The following SAFB variants were observed in gnomAD, a reference collection of about 807,000 sequenced individuals.
SAFB encodes the protein scaffold attachment factor B1.
A neutral mutation model predicts 101.6 loss-of-function variants in SAFB; 15 were observed. The observed-to-expected ratio is 0.15, with a 90% CI of 0.10 to 0.23. The LOEUF (loss-of-function observed/expected upper bound fraction) is 0.23. SAFB is among the 10% of genes least tolerant of loss of function. The pLI is 1.00. For missense variants in SAFB, 930 were observed against 1,104.1 expected (o/e 0.84, Z 2.23); for synonymous variants, 449 against 407.5 (o/e 1.10, Z -1.23).
chr19:5,649,890 G>T (rs779244286), intron 7 of SAFB, 36 bp from the exon 8 acceptor site: 1 of 1,591,498 alleles, frequency 6.3e-7, no homozygotes, highest in Admixed American at 1.7e-5. Flanking sequence ...CCTCCATGCT[G>T]CTTCCTTGTG....
At chr19:5,626,222 C>G (rs775524865) in intron 1 of SAFB, among the ~76,000 whole-genome samples, 183 bp from the exon 2 acceptor site, 2 of 152,086 alleles carry the variant, frequency 1.3e-5, no homozygotes, top group South Asian at 2.1e-4. Context: ...GAACTGGTGG[C>G]GTCAGTCGGT....
At chr19:5,626,271 C>CATTAAACA in intron 1 of SAFB, 134 bp from the exon 2 acceptor site, 1 of 564,024 alleles carries the variant, frequency 1.8e-6, no homozygotes. Context: ...GTGGATGGGC[C>CATTAAACA]ACAGGTCCTG....
intron 2 of SAFB, among the ~76,000 whole-genome samples, chr19:5,640,653 G>A (rs999718705): frequency 3.3e-5 from 5 of 150,964 alleles, no homozygotes; most frequent in South Asian, 2.1e-4. Flanking sequence ...GCAGCGGCAC[G>A]ATCTCAGCTC....
chr19:5,623,416 C>G, intron 1 of SAFB, 22 bp downstream of exon 1: 1 of 1,608,292 alleles, frequency 6.2e-7, no homozygotes, highest in Non-Finnish European at 8.5e-7. Flanking sequence ...GCCCCGAGGG[C>G]GGGCACAGGG....
intron 2 of SAFB, among the ~76,000 whole-genome samples, chr19:5,638,444 C>A (rs1176385669): frequency 6.6e-6 from 1 of 152,012 alleles, no homozygotes; most frequent in African/African-American, 2.4e-5. Flanking sequence ...TCAACCCCCC[C>A]ACCGAGTAGC....
chr19:5,637,548 C>T (rs1284579896), intron 2 of SAFB, among the ~76,000 whole-genome samples: 1 of 151,730 alleles, frequency 6.6e-6, no homozygotes, highest in Non-Finnish European at 1.5e-5. Flanking sequence ...TCCAGCTACT[C>T]GGGAGACTGA....
intron 1 of SAFB, among the ~76,000 whole-genome samples, chr19:5,626,194 C>G (rs994992395): frequency 3.3e-5 from 5 of 152,256 alleles, no homozygotes; most frequent in Admixed American, 6.5e-5. Flanking sequence ...GTAAACCTGC[C>G]TGGGACCACC....
intron 4 of SAFB, among the ~76,000 whole-genome samples, chr19:5,642,313 G>C (rs1475721936): frequency 6.6e-6 from 1 of 152,154 alleles, no homozygotes; most frequent in Non-Finnish European, 1.5e-5. Flanking sequence ...TGAGCTGGGT[G>C]CCTTGATGCA....
At chr19:5,653,967 C>T in intron 11 of SAFB, 94 bp from the exon 12 acceptor site, 1 of 1,184,298 alleles carries the variant, frequency 8.4e-7, no homozygotes, top group Non-Finnish European at 1.2e-6. Context: ...TCTCGAACTC[C>T]CGGTCTCATG....
intron 1 of SAFB, 66 bp from the exon 2 acceptor site, chr19:5,626,339 A>C (rs1228286391): frequency 1.1e-6 from 1 of 899,780 alleles, no homozygotes. Context: ...TTGTCACCTG[A>C]GAGCTCTCTG....
At chr19:5,635,416 A>G (rs73920035) in intron 2 of SAFB, among the ~76,000 whole-genome samples, 3 of 152,092 alleles carry the variant, frequency 2.0e-5, no homozygotes, top group Admixed American at 6.6e-5. Context: ...CATATAATGT[A>G]TGTAGATGCA....
chr19:5,652,252 C>A (rs2145455945), intron 9 of SAFB, among the ~76,000 whole-genome samples: 1 of 152,190 alleles, frequency 6.6e-6, no homozygotes, highest in African/African-American at 2.4e-5. Context: ...TAACTAAGGG[C>A]TTCTTGAGCC....
At chr19:5,631,856 G>A (rs1482147895) in intron 2 of SAFB, among the ~76,000 whole-genome samples, 1 of 151,998 alleles carries the variant, frequency 6.6e-6, no homozygotes, top group Non-Finnish European at 1.5e-5. Context: ...GAGCAGCCTG[G>A]GTGACATAGT....
chr19:5,641,988 T>C, intron 4 of SAFB, 42 bp downstream of exon 4: 1 of 1,478,994 alleles, frequency 6.8e-7, no homozygotes, highest in Non-Finnish European at 9.5e-7. Context: ...CCTGAATGTA[T>C]CAGTTCCACA....
intron 13 of SAFB, among the ~76,000 whole-genome samples, chr19:5,656,511 A>G (rs1387174379): frequency 6.6e-6 from 1 of 151,168 alleles, no homozygotes; most frequent in Non-Finnish European, 1.5e-5. Flanking sequence ...CCTGACTTCA[A>G]GTGATCCACC....
intron 15 of SAFB, among the ~76,000 whole-genome samples, chr19:5,663,614 T>TG (rs149796411): frequency 0.06 from 9,147 of 152,252 alleles, 324 homozygotes; most frequent in Middle Eastern, 0.12. Flanking sequence ...CAGCAGTACA[T>TG]GGCCAGGGCT....
intron 5 of SAFB, among the ~76,000 whole-genome samples, chr19:5,647,783 G>A (rs999403423): frequency 3.3e-5 from 5 of 152,206 alleles, no homozygotes; most frequent in Non-Finnish European, 5.9e-5. Flanking sequence ...TCACCATGAA[G>A]TGAGACCAGT....
intron 2 of SAFB, among the ~76,000 whole-genome samples, chr19:5,641,237 T>C (rs2053706462): frequency 6.6e-6 from 1 of 152,216 alleles, no homozygotes; most frequent in South Asian, 2.1e-4. Context: ...TGGGAAAACA[T>C]GTTCCTTAAC....
intron 14 of SAFB, among the ~76,000 whole-genome samples, chr19:5,661,213 G>T (rs772518277): frequency 6.6e-6 from 1 of 152,060 alleles, no homozygotes; most frequent in African/African-American, 2.4e-5. Flanking sequence ...GAGCCACCGC[G>T]CCCGGCCTGT....
Sources: allele counts gnomAD v4.1 joint callset (sites outside exome capture counted in the v4.1 genomes callset), GRCh38; gene constraint gnomAD v4.1.1; transcripts MANE v1.5; gene names NCBI Gene and HGNC (gene_info 2026-07-23, HGNC 2026-07-21).